The following CNTN3 variants were observed in gnomAD, a reference collection of about 807,000 sequenced individuals.
The protein encoded by CNTN3 is contactin 3, also known as contactin-3.
A neutral mutation model predicts 119.1 loss-of-function variants in CNTN3; 60 were observed. That is an observed-to-expected ratio of 0.50 (90% confidence interval 0.41 to 0.62). The LOEUF (loss-of-function observed/expected upper bound fraction) is 0.62. CNTN3 is among the 20% of genes least tolerant of loss of function. The probability of loss-of-function intolerance (pLI) is 0.00; values close to 1 mark genes in which losing one functional copy is unlikely to be tolerated. For synonymous variants in CNTN3, 450 were observed against 438.7 expected, an observed-to-expected ratio of 1.03 and a Z score of -0.32; for missense variants, 1,101 against 1,242.4, an observed-to-expected ratio of 0.89 and a Z score of 1.71.
intron 13 of CNTN3, among the ~76,000 whole-genome samples, chr3:74,331,256 A>G (rs527553446): frequency 4.5e-4 from 68 of 152,212 alleles, no homozygotes; most frequent in Middle Eastern, 3.4e-3. Context: ...GTACCATTTC[A>G]ATGTTTAGAC....
chr3:74,379,397 C>T (rs567045917), intron 5 of CNTN3, among the ~76,000 whole-genome samples: 2 of 152,220 alleles, frequency 1.3e-5, no homozygotes, highest in South Asian at 4.2e-4. Flanking sequence ...CTCAGGTGAT[C>T]CACCTGCCTC....
intron 1 of CNTN3, among the ~76,000 whole-genome samples, chr3:74,544,193 A>G (rs1400249818): frequency 2.0e-5 from 3 of 152,188 alleles, no homozygotes; most frequent in Non-Finnish European, 4.4e-5. Flanking sequence ...TGAAAGGGAA[A>G]AGGCATTATT....
chr3:74,280,381 T>C (rs1289051673), intron 20 of CNTN3, among the ~76,000 whole-genome samples: 1 of 152,172 alleles, frequency 6.6e-6, no homozygotes, highest in African/African-American at 2.4e-5. Flanking sequence ...TAGAATCCCC[T>C]TGTTCCAGGG....
intron 3 of CNTN3, 29 bp downstream of exon 3, chr3:74,499,630 T>A (rs754289778): frequency 5.7e-6 from 9 of 1,579,792 alleles, no homozygotes; most frequent in African/African-American, 2.7e-5. Flanking sequence ...TAGTTTTTTT[T>A]ATTTGAATTT....
intron 1 of CNTN3, among the ~76,000 whole-genome samples, chr3:74,594,437 T>G (rs1704761206): frequency 6.6e-6 from 1 of 151,556 alleles, no homozygotes; most frequent in Non-Finnish European, 1.5e-5. Flanking sequence ...ATGCTATCCC[T>G]CCCCTCTCCC....
chr3:74,436,731 C>A (rs1701872856), intron 4 of CNTN3, among the ~76,000 whole-genome samples: 1 of 152,130 alleles, frequency 6.6e-6, no homozygotes, highest in South Asian at 2.1e-4. Context: ...AGAGATTGGG[C>A]AAGACAACCA....
chr3:74,606,748 C>T (rs1704998884), intron 1 of CNTN3, among the ~76,000 whole-genome samples: 1 of 152,062 alleles, frequency 6.6e-6, no homozygotes, highest in Non-Finnish European at 1.5e-5. Flanking sequence ...ATACACCCTT[C>T]ACTTGTAAGT....
chr3:74,447,425 C>A (rs1702068861), intron 4 of CNTN3, among the ~76,000 whole-genome samples: 1 of 152,130 alleles, frequency 6.6e-6, no homozygotes, highest in Admixed American at 6.5e-5. Flanking sequence ...CATATGGGTC[C>A]CCTGGGACAT....
At chr3:74,271,107 G>T (rs1701766713) in intron 20 of CNTN3, among the ~76,000 whole-genome samples, 1 of 152,090 alleles carries the variant, frequency 6.6e-6, no homozygotes. Context: ...TACTTACTCT[G>T]CAGATACTTG....
chr3:74,517,260 A>G (rs1703466559), intron 2 of CNTN3, among the ~76,000 whole-genome samples: 1 of 151,914 alleles, frequency 6.6e-6, no homozygotes, highest in East Asian at 1.9e-4. Flanking sequence ...CTTTTCTGAA[A>G]CTTATCACTA....
intron 5 of CNTN3, among the ~76,000 whole-genome samples, chr3:74,378,118 C>T (rs137934522): frequency 8.5e-4 from 130 of 152,282 alleles, no homozygotes; most frequent in Non-Finnish European, 1.5e-3. Flanking sequence ...TGATGTCATT[C>T]AAGATTTTTA....
At chr3:74,608,946 C>T (rs969094499) in intron 1 of CNTN3, among the ~76,000 whole-genome samples, 5 of 152,062 alleles carry the variant, frequency 3.3e-5, no homozygotes, top group African/African-American at 1.2e-4. Flanking sequence ...GTCAAGGCTA[C>T]CTGGAGGAAT....
At chr3:74,575,545 G>T (rs867685104) in intron 1 of CNTN3, among the ~76,000 whole-genome samples, 18 of 150,016 alleles carry the variant, frequency 1.2e-4, no homozygotes, top group Non-Finnish European at 2.4e-4. Context: ...CCACCGCACC[G>T]AGCTGATTAG....
intron 1 of CNTN3, among the ~76,000 whole-genome samples, chr3:74,602,307 A>G (rs1473010032): frequency 1.3e-5 from 2 of 150,668 alleles, no homozygotes; most frequent in Admixed American, 6.6e-5. Flanking sequence ...AAAAAAAAAA[A>G]AAAAAAAAAA....
chr3:74,434,502 C>G (rs192858455), intron 4 of CNTN3, among the ~76,000 whole-genome samples: 25 of 152,262 alleles, frequency 1.6e-4, no homozygotes, highest in Admixed American at 3.9e-4. Context: ...CTGCCCACCC[C>G]CAGAGGTCCA....
chr3:74,499,031 A>T (rs536301016), intron 3 of CNTN3, among the ~76,000 whole-genome samples: 1 of 150,298 alleles, frequency 6.7e-6, no homozygotes, highest in Non-Finnish European at 1.5e-5. Flanking sequence ...AAATATCAAT[A>T]TTTTTTTCTT....
intron 1 of CNTN3, among the ~76,000 whole-genome samples, chr3:74,530,761 T>A (rs1340715603): frequency 6.6e-5 from 10 of 151,740 alleles, no homozygotes; most frequent in African/African-American, 2.4e-4. Flanking sequence ...AGAGGAAAGC[T>A]AGGGTATCTC....
intron 1 of CNTN3, among the ~76,000 whole-genome samples, chr3:74,534,456 A>G (rs1703734561): frequency 6.6e-6 from 1 of 151,986 alleles, no homozygotes; most frequent in African/African-American, 2.4e-5. Context: ...TTAAAGAACT[A>G]TTTTTATTGT....
intron 13 of CNTN3, among the ~76,000 whole-genome samples, chr3:74,327,400 T>A (rs1703160076): frequency 6.6e-6 from 1 of 152,108 alleles, no homozygotes; most frequent in Non-Finnish European, 1.5e-5. Flanking sequence ...AGTGCTCGTA[T>A]TACAGGCATG....
Sources: gnomAD v4.1 joint callset for allele counts (sites outside exome capture counted in the v4.1 genomes callset) on GRCh38, gnomAD v4.1.1 for gene constraint, MANE v1.5 for transcripts, NCBI Gene and HGNC (gene_info 2026-07-23, HGNC 2026-07-21) for gene names.